Variants in VWC2L observed in about 807,000 individuals in gnomAD.
VWC2L encodes von Willebrand factor C domain-containing protein 2-like.
In VWC2L, 10 loss-of-function variants were observed where a neutral mutation model predicts 21.6. The ratio of observed to expected loss-of-function variants is 0.46; its 90% confidence interval spans 0.29 to 0.78. The LOEUF (loss-of-function observed/expected upper bound fraction) is 0.78, where lower values mean the gene tolerates loss of function less well. Among genes scored for constraint, VWC2L ranks in the 30% least tolerant of loss-of-function variants. The pLI, the probability that VWC2L is intolerant of heterozygous loss-of-function variation, is 0.10. For missense variants in VWC2L, 209 were observed against 277.1 expected, an observed-to-expected ratio of 0.75 and a Z score of 1.74; for synonymous variants, 96 against 94.3, an observed-to-expected ratio of 1.02 and a Z score of -0.10.
At chr2:214,440,372 C>T (rs1460967997) in intron 3 of VWC2L, among the ~76,000 whole-genome samples, 1 of 152,010 alleles carries the variant, frequency 6.6e-6, no homozygotes, top group Non-Finnish European at 1.5e-5. Context: ...AATACAAATG[C>T]CTTCCTGAAA....
At chr2:214,488,503 G>A (rs553466387) in intron 3 of VWC2L, among the ~76,000 whole-genome samples, 1 of 152,274 alleles carries the variant, frequency 6.6e-6, no homozygotes, top group Admixed American at 6.5e-5. Flanking sequence ...GGGGGCTGAG[G>A]CAGGAGGATC....
intron 3 of VWC2L, among the ~76,000 whole-genome samples, chr2:214,549,728 G>A (rs1257885729): frequency 3.3e-5 from 5 of 152,220 alleles, no homozygotes; most frequent in Admixed American, 6.5e-5. Flanking sequence ...AGCCGAGATC[G>A]TGCCACTGCA....
chr2:214,565,720 C>A (rs1300045019), intron 3 of VWC2L, among the ~76,000 whole-genome samples: 2 of 152,114 alleles, frequency 1.3e-5, no homozygotes, highest in Non-Finnish European at 2.9e-5. Context: ...TAAGTAGAAT[C>A]ATAAATAGCA....
chr2:214,509,696 C>A (rs1222554279), intron 3 of VWC2L, among the ~76,000 whole-genome samples: 1 of 152,164 alleles, frequency 6.6e-6, no homozygotes, highest in African/African-American at 2.4e-5. Flanking sequence ...GTCATATTGA[C>A]TCTCTGGTTG....
rs187046637 is a variant in VWC2L, at chr2:214,443,997, C to T, written c.520+7239C>T. ...TAGTAAGATAACGGTACAAAATGAA[C>T]GTGCAGATGTCAAAACATTTATATA... On this transcript the variant is annotated intron_variant, in intron 3 of 3. Coordinates refer to ENST00000312504, the MANE Select transcript of VWC2L (RefSeq NM_001080500.4). Among the ~76,000 whole-genome samples the T allele has an allele frequency of 3.4e-3, 519 of 152,056 alleles. 2 individuals carry two copies. The highest frequency in any genetic ancestry group is 0.011 in the African/African-American group (474 of 41,506).
chr2:214,500,261 A>G (rs368219846), intron 3 of VWC2L, among the ~76,000 whole-genome samples: 2 of 152,324 alleles, frequency 1.3e-5, no homozygotes, highest in East Asian at 3.9e-4. Context: ...TGAGTTAGAA[A>G]CGGTATTCAG....
intron 3 of VWC2L, among the ~76,000 whole-genome samples, chr2:214,547,490 A>T (rs1351895340): frequency 1.3e-5 from 2 of 152,178 alleles, no homozygotes; most frequent in African/African-American, 4.8e-5. Flanking sequence ...GTCTGTTATT[A>T]TTGACATCTG....
intron 3 of VWC2L, among the ~76,000 whole-genome samples, chr2:214,456,844 A>G (rs954321333): frequency 3.9e-5 from 6 of 151,958 alleles, no homozygotes; most frequent in Non-Finnish European, 7.4e-5. Context: ...TCCCCCCACT[A>G]TGTGTTCTTG....
chr2:214,434,525 A>G (rs753869360), intron 2 of VWC2L, among the ~76,000 whole-genome samples: 1 of 152,200 alleles, frequency 6.6e-6, no homozygotes, highest in Non-Finnish European at 1.5e-5. Flanking sequence ...GTGGCAGTCC[A>G]TTATAGCAGT....
intron 3 of VWC2L, among the ~76,000 whole-genome samples, chr2:214,475,111 T>G (rs1688491036): frequency 6.6e-6 from 1 of 152,194 alleles, no homozygotes; most frequent in South Asian, 2.1e-4. Flanking sequence ...AGAGCCCTTC[T>G]TTTGAAAGCT....
At chr2:214,509,153 T>G (rs1285594575) in intron 3 of VWC2L, among the ~76,000 whole-genome samples, 1 of 152,174 alleles carries the variant, frequency 6.6e-6, no homozygotes, top group Non-Finnish European at 1.5e-5. Flanking sequence ...ACTTCCCCAC[T>G]TTCACACTGG....
intron 3 of VWC2L, among the ~76,000 whole-genome samples, chr2:214,530,970 A>T (rs75584702): frequency 6.6e-6 from 1 of 152,192 alleles, no homozygotes; most frequent in African/African-American, 2.4e-5. Flanking sequence ...AGCAATGTCA[A>T]CAATGGGGGT....
At chr2:214,534,526 A>G (rs890601833) in intron 3 of VWC2L, among the ~76,000 whole-genome samples, 3 of 152,098 alleles carry the variant, frequency 2.0e-5, no homozygotes, top group African/African-American at 4.8e-5. Flanking sequence ...AAATGCACCA[A>G]TTAGAGCTGC....
At chr2:214,487,716 A>C (rs990563980) in intron 3 of VWC2L, among the ~76,000 whole-genome samples, 1 of 152,214 alleles carries the variant, frequency 6.6e-6, no homozygotes, top group African/African-American at 2.4e-5. Context: ...TGTACAGTCC[A>C]GCATAAAGAA....
chr2:214,417,529 G>C (rs554602763), intron 2 of VWC2L, among the ~76,000 whole-genome samples: 2 of 152,254 alleles, frequency 1.3e-5, no homozygotes, highest in South Asian at 4.1e-4. Context: ...ACTTGAAATT[G>C]ATCTGGGAAG....
rs1313600868 is a variant in VWC2L at position 214,577,011 on chromosome 2, G to A, written c.*1191G>A. The stretch of plus-strand genomic sequence containing the variant: ...TGAAAAATTAAAGTGAACCTTTGAA[G>A]AGTCTCTAGGTTGCCCTGGTAATGC... On this transcript the variant is annotated 3_prime_UTR_variant, in exon 4 of 4. Transcript: ENST00000312504. 6.6e-6 allele frequency: 1 copy of A among 152,132 alleles called. No homozygotes were observed. Among genetic ancestry groups the A allele is most frequent in the Non-Finnish European group, 1.5e-5 (1 of 68,024 alleles). The allele number at this position is 152,132 out of a possible 1,614,324, so 9.4% of individuals were successfully genotyped here.
chr2:214,521,888 C>G (rs907283355), intron 3 of VWC2L, among the ~76,000 whole-genome samples: 9 of 152,190 alleles, frequency 5.9e-5, no homozygotes, highest in Non-Finnish European at 1.3e-4. Flanking sequence ...AGTCAGAATC[C>G]AACTTTTGTC....
chr2:214,518,336 C>G (rs1689178136), intron 3 of VWC2L, among the ~76,000 whole-genome samples: 1 of 152,044 alleles, frequency 6.6e-6, no homozygotes, highest in South Asian at 2.1e-4. Context: ...TCATTAGTTC[C>G]TTGGAGGATT....
chr2:214,535,703 G>A (rs1010037038), intron 3 of VWC2L, among the ~76,000 whole-genome samples: 1 of 152,018 alleles, frequency 6.6e-6, no homozygotes, highest in Admixed American at 6.6e-5. Flanking sequence ...GCTGTATACA[G>A]CTACAGAGTA....
Sources: gnomAD v4.1 joint callset for allele counts (sites outside exome capture counted in the v4.1 genomes callset) on GRCh38, gnomAD v4.1.1 for gene constraint, MANE v1.5 for transcripts, NCBI Gene and HGNC (gene_info 2026-07-23, HGNC 2026-07-21) for gene names.